The following NTM variants were observed in gnomAD, a reference collection of about 807,000 sequenced individuals.
The protein encoded by NTM is neurotrimin, also known as IgLON family member 2.
NTM carries 13 observed loss-of-function variants against 42.1 expected under a neutral mutation model. The observed-to-expected ratio is 0.31, with a 90% CI of 0.20 to 0.49. NTM has a LOEUF of 0.49. Among genes scored for constraint, NTM ranks in the 20% least tolerant of loss-of-function variants. The pLI, the probability that NTM is intolerant of heterozygous loss-of-function variation, is 0.99. For missense variants in NTM, 373 were observed against 452.8 expected (o/e 0.82, Z 1.60); for synonymous variants, 187 against 179.2 (o/e 1.04, Z -0.35).
intron 2 of NTM, among the ~76,000 whole-genome samples, chr11:132,032,808 C>T (rs2076087179): frequency 6.6e-6 from 1 of 152,108 alleles, no homozygotes; most frequent in Non-Finnish European, 1.5e-5. Context: ...GGTATTCTGC[C>T]AACATTTTAT....
At chr11:131,513,787 G>T (rs773352005) in intron 1 of NTM, among the ~76,000 whole-genome samples, 7 of 152,178 alleles carry the variant, frequency 4.6e-5, no homozygotes, top group Non-Finnish European at 1.0e-4. Context: ...GTTGTGTAAA[G>T]GTCCCTGGCA....
intron 1 of NTM, among the ~76,000 whole-genome samples, chr11:131,687,469 C>T (rs1025175227): frequency 6.6e-6 from 1 of 152,206 alleles, no homozygotes; most frequent in East Asian, 1.9e-4. Flanking sequence ...CCCTCTGCTC[C>T]TCAGACCATC....
At chr11:132,316,236 A>G (rs535056309) in intron 7 of NTM, among the ~76,000 whole-genome samples, 3 of 151,882 alleles carry the variant, frequency 2.0e-5, no homozygotes, top group Non-Finnish European at 2.9e-5. Context: ...TCTCAGGATG[A>G]GAATAGGGAG....
chr11:132,102,992 C>T (rs1474851930), intron 2 of NTM, among the ~76,000 whole-genome samples: 1 of 152,236 alleles, frequency 6.6e-6, no homozygotes, highest in Non-Finnish European at 1.5e-5. Flanking sequence ...GGAAAGGCCA[C>T]AGGTTCCTCA....
chr11:131,726,439 A>G (rs2078983392), intron 1 of NTM, among the ~76,000 whole-genome samples: 1 of 147,028 alleles, frequency 6.8e-6, no homozygotes, highest in Non-Finnish European at 1.5e-5. Context: ...ATCTAGAGAC[A>G]CCAGCCCTTT....
At chr11:131,490,092 A>T (rs1160003313) in intron 1 of NTM, among the ~76,000 whole-genome samples, 1 of 152,164 alleles carries the variant, frequency 6.6e-6, no homozygotes, top group Non-Finnish European at 1.5e-5. Context: ...TCTAACAACA[A>T]GTTCTCACAG....
chr11:131,926,521 A>G (rs2057979543), intron 2 of NTM, among the ~76,000 whole-genome samples: 1 of 152,072 alleles, frequency 6.6e-6, no homozygotes, highest in Non-Finnish European at 1.5e-5. Context: ...AAGACGAGCA[A>G]GGCAAGGAGG....
chr11:131,899,022 C>T (rs1045192844), intron 1 of NTM, among the ~76,000 whole-genome samples: 9 of 152,068 alleles, frequency 5.9e-5, no homozygotes, highest in East Asian at 1.9e-4. Flanking sequence ...TAGGCTGACA[C>T]GGGGATGCAT....
chr11:132,099,359 A>G (rs1034470544), intron 2 of NTM, among the ~76,000 whole-genome samples: 3 of 152,166 alleles, frequency 2.0e-5, no homozygotes, highest in African/African-American at 7.2e-5. Context: ...ATCTCATGAC[A>G]CACAACTTAT....
chr11:132,060,170 T>G (rs560121430), intron 2 of NTM, among the ~76,000 whole-genome samples: 2 of 152,312 alleles, frequency 1.3e-5, no homozygotes, highest in Admixed American at 1.3e-4. Context: ...GACCACACTT[T>G]GGCATTATAC....
chr11:131,751,994 C>T (rs924077362), intron 1 of NTM, among the ~76,000 whole-genome samples: 6 of 152,044 alleles, frequency 3.9e-5, no homozygotes, highest in Non-Finnish European at 8.8e-5. Flanking sequence ...CCAACATTGA[C>T]GTAATTTTCC....
At chr11:131,549,815 G>A (rs1213345651) in intron 1 of NTM, among the ~76,000 whole-genome samples, 1 of 152,186 alleles carries the variant, frequency 6.6e-6, no homozygotes, top group Admixed American at 6.5e-5. Context: ...TTCACATGAG[G>A]AAATTAAATT....
chr11:132,232,893 C>T (rs767456414), intron 4 of NTM, among the ~76,000 whole-genome samples: 3 of 152,170 alleles, frequency 2.0e-5, no homozygotes, highest in Admixed American at 6.5e-5. Context: ...CGTTTATGAC[C>T]GTTGTTATAA....
chr11:131,795,691 T>C, intron 1 of NTM: 3 of 985,442 alleles, frequency 3.0e-6, no homozygotes, highest in Non-Finnish European at 3.6e-6. Flanking sequence ...AGCAGATATT[T>C]ACGGCATTTT....
intron 1 of NTM, among the ~76,000 whole-genome samples, chr11:131,586,502 G>T (rs1022599589): frequency 2.6e-5 from 4 of 152,078 alleles, no homozygotes; most frequent in Non-Finnish European, 5.9e-5. Flanking sequence ...ACCTGTTAAT[G>T]GTCATATGAG....
At chr11:131,862,290 TAAAG>T (rs1218434487) in intron 1 of NTM, among the ~76,000 whole-genome samples, 3 of 152,132 alleles carry the variant, frequency 2.0e-5, no homozygotes, top group Admixed American at 2.0e-4. Context: ...GAGCCCGACT[TAAAG>T]AAGTAATTTT....
At chr11:131,924,360 G>A (rs540303988) in intron 2 of NTM, among the ~76,000 whole-genome samples, 1 of 152,226 alleles carries the variant, frequency 6.6e-6, no homozygotes, top group South Asian at 2.1e-4. Flanking sequence ...GGTTCACTCT[G>A]TGAAGTGAGA....
intron 1 of NTM, among the ~76,000 whole-genome samples, chr11:131,706,587 C>T (rs891604190): frequency 1.3e-5 from 2 of 151,948 alleles, no homozygotes; most frequent in Non-Finnish European, 2.9e-5. Flanking sequence ...ATATACTAGG[C>T]CTTCAATCAA....
At chr11:131,684,685 G>C (rs933266782) in intron 1 of NTM, among the ~76,000 whole-genome samples, 2 of 152,232 alleles carry the variant, frequency 1.3e-5, no homozygotes, top group African/African-American at 4.8e-5. Context: ...CCCTGCCTCT[G>C]TTTGAGAAGC....
Sources: allele counts gnomAD v4.1 joint callset (sites outside exome capture counted in the v4.1 genomes callset), GRCh38; gene constraint gnomAD v4.1.1; transcripts MANE v1.5; gene names NCBI Gene and HGNC (gene_info 2026-07-23, HGNC 2026-07-21).